FLNB: variants seen among roughly 807,000 people sequenced by gnomAD.
FLNB encodes filamin B.
FLNB carries 111 observed loss-of-function variants against 250.6 expected under a neutral mutation model. The observed-to-expected ratio is 0.44, with a 90% CI of 0.38 to 0.52. The LOEUF is 0.52. Among genes scored for constraint, FLNB ranks in the 20% least tolerant of loss-of-function variants. The pLI, the probability that FLNB is intolerant of heterozygous loss-of-function variation, is 0.00. For synonymous variants in FLNB, 1,302 were observed against 1,372.1 expected, an observed-to-expected ratio of 0.95 and a Z score of 1.13; for missense variants, 2,869 against 3,447.8, an observed-to-expected ratio of 0.83 and a Z score of 4.20.
chr3:58,168,381 G>A, intron 43 of FLNB, 59 bp from the exon 44 acceptor site: 1 of 1,341,928 alleles, frequency 7.5e-7, no homozygotes, highest in East Asian at 2.3e-5. Context: ...CACGGCCTCA[G>A]TGCTCCCAGG....
At chr3:58,020,803 C>T (rs1006381075) in intron 1 of FLNB, among the ~76,000 whole-genome samples, 2 of 150,618 alleles carry the variant, frequency 1.3e-5, no homozygotes, top group Admixed American at 6.6e-5. Context: ...TATAGGGAAA[C>T]GGGTGGGGAT....
intron 25 of FLNB, chr3:58,131,850 AAAG>A: frequency 9.8e-7 from 1 of 1,021,006 alleles, no homozygotes; most frequent in Non-Finnish European, 1.5e-6. Context: ...AGAGGGAGAA[AAAG>A]AAGAAAGAGA....
chr3:58,052,935 G>A (rs2097164752), intron 1 of FLNB, among the ~76,000 whole-genome samples: 1 of 152,180 alleles, frequency 6.6e-6, no homozygotes, highest in Non-Finnish European at 1.5e-5. Context: ...TCCATTTTGT[G>A]TGTACATGGG....
chr3:58,083,684 T>C (rs1292257200), intron 4 of FLNB, among the ~76,000 whole-genome samples: 1 of 152,160 alleles, frequency 6.6e-6, no homozygotes, highest in Non-Finnish European at 1.5e-5. Flanking sequence ...CCACGTGCTG[T>C]TCTCACCTCA....
chr3:58,112,177 C>G lies in FLNB; in HGVS notation c.2604C>G (p.Phe868Leu). 1 of 1,614,196 alleles carries G rather than the reference C, an allele frequency of 6.2e-7. No individual in the cohort carries two copies. The highest frequency in any genetic ancestry group is 8.5e-7 in the Non-Finnish European group (1 of 1,180,022). Residue 868 changes from phenylalanine (F) to leucine (L), a missense_variant, in exon 18 of 46, where the codon TTC becomes TTG. Around this residue, in one of 5 missense-constraint regions of FLNB, gnomAD observed 1,348 missense variants for 1,466.7 expected, o/e 0.92. Transcript: ENST00000295956. The stretch of plus-strand genomic sequence containing the variant: ...TGGAAAATGGGAAACCGACCCACTT[C>G]ACTGTCTACACCAAGGGGGCTGGGA... ...AGVENGKPTH[F>L]TVYTKGAGKA... is the part of the protein sequence containing the mutation.
At chr3:58,076,467 A>G (rs2097201812) in intron 1 of FLNB, among the ~76,000 whole-genome samples, 1 of 151,994 alleles carries the variant, frequency 6.6e-6, no homozygotes. Context: ...ATTTCTTTCA[A>G]TTTTTGAGAC....
intron 19 of FLNB, among the ~76,000 whole-genome samples, chr3:58,119,566 A>G (rs1330055047): frequency 3.3e-5 from 5 of 152,232 alleles, no homozygotes; most frequent in African/African-American, 4.8e-5. Context: ...ATTTTTTAGT[A>G]GGGAAAATTT....
chr3:58,035,110 C>T (rs929375349), intron 1 of FLNB, among the ~76,000 whole-genome samples: 1 of 152,168 alleles, frequency 6.6e-6, no homozygotes, highest in African/African-American at 2.4e-5. Context: ...CACTAGGTTG[C>T]CATTTATTCT....
chr3:58,098,947 G>A, intron 8 of FLNB, 39 bp downstream of exon 8: 1 of 1,552,164 alleles, frequency 6.4e-7, no homozygotes, highest in Non-Finnish European at 8.9e-7. Context: ...CTTCTCATAG[G>A]GAAGCTGACT....
intron 1 of FLNB, among the ~76,000 whole-genome samples, chr3:58,047,821 C>A (rs151225831): frequency 2.6e-5 from 4 of 152,216 alleles, no homozygotes; most frequent in Non-Finnish European, 4.4e-5. Context: ...GCCTCAGCCT[C>A]CCAAAGTGCT....
At chr3:58,154,543 T>G in intron 39 of FLNB, 2 of 412,930 alleles carry the variant, frequency 4.8e-6, no homozygotes, top group Non-Finnish European at 8.9e-6. Context: ...AGACTCCGTC[T>G]CAAAAAAAAA....
Position 58,137,325 on chromosome 3 carries a change from G to A in FLNB, c.4862-957G>A, listed in dbSNP as rs377372550. 3.0e-4 allele frequency among the ~76,000 whole-genome samples: 46 copies of A among 152,330 alleles called. No homozygotes were observed. In the South Asian group the frequency reaches 4.1e-3, roughly 14 times the overall value. Reference sequence around the variant, plus strand: ...ATCCACCACCTCCTAGGTCTATGCAGCTGCCAGCGACAACCAGATCATCTT... The same window carrying A: ...ATCCACCACCTCCTAGGTCTATGCAACTGCCAGCGACAACCAGATCATCTT... On this transcript the variant is annotated intron_variant, in intron 28 of 45. Transcript: ENST00000295956.
chr3:58,135,931 T>G, intron 27 of FLNB, 48 bp from the exon 28 acceptor site: 1 of 1,588,208 alleles, frequency 6.3e-7, no homozygotes, highest in African/African-American at 1.3e-5. Context: ...CATGAATGTT[T>G]TCTACATCTT....
At chr3:58,066,306 A>G (rs984556297) in intron 1 of FLNB, among the ~76,000 whole-genome samples, 5 of 144,496 alleles carry the variant, frequency 3.5e-5, no homozygotes, top group African/African-American at 7.8e-5. Flanking sequence ...CACAACCTCT[A>G]CCTCCTGGGT....
intron 1 of FLNB, among the ~76,000 whole-genome samples, chr3:58,010,056 G>A (rs975143819): frequency 6.6e-6 from 1 of 151,446 alleles, no homozygotes; most frequent in South Asian, 2.1e-4. Flanking sequence ...GCATGTACAC[G>A]GAATGTATGC....
rs1160116833 is a variant in FLNB, at chr3:58,134,775, A to G, written c.4671+3A>G. 2 of 1,613,754 alleles carry G rather than the reference A, an allele frequency of 1.2e-6. No homozygotes were observed. Among genetic ancestry groups the G allele is most frequent in the Non-Finnish European group, 1.7e-6 (2 of 1,179,648 alleles). ...GCCTGCTTGCTGTTCAAATAACGGT[A>G]ACTTGGAGTTATTTTCTGAGCCAAA... On this transcript the variant is annotated splice_donor_region_variant and intron_variant, in intron 27 of 45. Transcript: ENST00000295956.
rs372530291 is a variant in FLNB, at chr3:58,104,378, A to T, written c.1610+293A>T. Among the ~76,000 whole-genome samples, 19 of 152,276 alleles carry T rather than the reference A, an allele frequency of 1.2e-4. No homozygotes were observed. The South Asian group carries it at 3.9e-3, about 32-fold the overall frequency. Reference sequence around the variant, plus strand: ...ATGGGCTGTGTGTCTAGATGCCCGCATATAAACTGAGATTCTCTTTTTCAA... The same window carrying T: ...ATGGGCTGTGTGTCTAGATGCCCGCTTATAAACTGAGATTCTCTTTTTCAA... On this transcript the variant is annotated intron_variant, in intron 10 of 45. Transcript: ENST00000295956.
At chr3:58,126,557 A>G (rs1189229035) in intron 23 of FLNB, 45 bp from the exon 24 acceptor site, 2 of 1,603,604 alleles carry the variant, frequency 1.2e-6, no homozygotes, top group East Asian at 2.2e-5. Context: ...GCAGACCAGC[A>G]TAAATAAATG....
chr3:58,010,818 C>G (rs2106666115), intron 1 of FLNB, among the ~76,000 whole-genome samples: 1 of 152,302 alleles, frequency 6.6e-6, no homozygotes, highest in Admixed American at 6.5e-5. Flanking sequence ...GCAGCTACTT[C>G]CAGCACTGTC....
Sources: gnomAD v4.1 joint callset for allele counts (sites outside exome capture counted in the v4.1 genomes callset) on GRCh38, gnomAD v4.1.1 for gene constraint, gnomAD v4.1.1 regional missense constraint, MANE v1.5 for transcripts, NCBI Gene and HGNC (gene_info 2026-07-23, HGNC 2026-07-21) for gene names.